The following CHRNA7 variants were observed in gnomAD, a reference collection of about 807,000 sequenced individuals.
CHRNA7 encodes the protein neuronal acetylcholine receptor subunit alpha-7.
Under a neutral mutation model 48.0 loss-of-function variants are expected in CHRNA7, and 17 were observed. The ratio of observed to expected loss-of-function variants is 0.35; its 90% CI spans 0.24 to 0.53. The LOEUF (loss-of-function observed/expected upper bound fraction) is 0.53. Ranked by LOEUF, CHRNA7 falls within the 20% of genes least tolerant of loss-of-function variation. The probability of loss-of-function intolerance (pLI) is 0.92; values close to 1 mark genes in which losing one functional copy is unlikely to be tolerated. For missense variants in CHRNA7, 155 were observed against 577.7 expected, an observed-to-expected ratio of 0.27 and a Z score of 7.50; for synonymous variants, 75 against 242.3, an observed-to-expected ratio of 0.31 and a Z score of 6.41.
At chr15:32,032,860 T>C (rs1466397886) in intron 2 of CHRNA7, among the ~76,000 whole-genome samples, 1 of 152,222 alleles carries the variant, frequency 6.6e-6, no homozygotes, top group Non-Finnish European at 1.5e-5. Flanking sequence ...AGCTGCAGGC[T>C]TTCTTCTGGG....
chr15:32,050,622 G>A (rs972204942), intron 2 of CHRNA7, among the ~76,000 whole-genome samples: 17 of 152,036 alleles, frequency 1.1e-4, no homozygotes, highest in African/African-American at 1.7e-4. Context: ...TAGTTTGGTC[G>A]TCTGAAGCCT....
rs553970388 is a variant in CHRNA7, at chr15:32,061,280, CAG to C, written c.195+30245_195+30246del. Among the ~76,000 whole-genome samples the C allele has an allele frequency of 9.2e-4, 140 of 152,194 alleles. 2 individuals are homozygous for C. The South Asian group carries it at 0.028, about 30-fold the overall frequency. On this transcript the variant is annotated intron_variant, in intron 2 of 9. Coordinates refer to ENST00000306901, the MANE Select transcript of CHRNA7 (RefSeq NM_000746.6). ...CTGGGAGGAAGCCAGGTAGTGGCAA[CAG>C]AAGAGGAGGAAGGAAAGTCATCCAG...
intron 4 of CHRNA7, among the ~76,000 whole-genome samples, chr15:32,117,132 G>A (rs2050886357): frequency 1.3e-5 from 2 of 152,190 alleles, no homozygotes; most frequent in Admixed American, 1.3e-4. Context: ...GAGGGGAGGG[G>A]GAGTGAGATA....
intron 4 of CHRNA7, among the ~76,000 whole-genome samples, chr15:32,135,466 A>AAG: frequency 6.6e-6 from 1 of 152,192 alleles, no homozygotes; most frequent in Admixed American, 6.5e-5. Flanking sequence ...GCAGGAAGTC[A>AAG]AGGCACTACC....
chr15:32,138,069 G>A (rs2051304689), intron 4 of CHRNA7, among the ~76,000 whole-genome samples: 1 of 151,734 alleles, frequency 6.6e-6, no homozygotes, highest in South Asian at 2.1e-4. Context: ...AAAAAAAGAA[G>A]GAGGAATAAA....
intron 4 of CHRNA7, among the ~76,000 whole-genome samples, chr15:32,142,881 A>G (rs2051410728): frequency 6.6e-6 from 1 of 151,974 alleles, no homozygotes; most frequent in Admixed American, 6.5e-5. Context: ...TCCTGGATTC[A>G]TTGATTTTTT....
intron 3 of CHRNA7, among the ~76,000 whole-genome samples, chr15:32,109,611 C>T (rs2050729028): frequency 6.6e-6 from 1 of 152,194 alleles, no homozygotes. Flanking sequence ...GAAGAACCAG[C>T]TCTGGTAGAA....
intron 3 of CHRNA7, among the ~76,000 whole-genome samples, chr15:32,106,394 A>G (rs1453931814): frequency 6.6e-6 from 1 of 152,242 alleles, no homozygotes; most frequent in Non-Finnish European, 1.5e-5. Context: ...AAAAAAAGAA[A>G]AAAACTCTCC....
At chr15:32,083,386 G>A (rs1225088723) in intron 2 of CHRNA7, among the ~76,000 whole-genome samples, 1 of 152,096 alleles carries the variant, frequency 6.6e-6, no homozygotes, top group Non-Finnish European at 1.5e-5. Context: ...CTTTGAAATT[G>A]GACTTCCCAG....
At chr15:32,131,492 G>T (rs899571578) in intron 4 of CHRNA7, among the ~76,000 whole-genome samples, 2 of 152,006 alleles carry the variant, frequency 1.3e-5, no homozygotes, top group Non-Finnish European at 2.9e-5. Flanking sequence ...GGTAATCCCA[G>T]TTACTGTATT....
At chr15:32,073,935 C>G (rs554921882) in intron 2 of CHRNA7, among the ~76,000 whole-genome samples, 2 of 152,168 alleles carry the variant, frequency 1.3e-5, no homozygotes, top group African/African-American at 4.8e-5. Context: ...TCCTTTTTAC[C>G]AATGCAAAAG....
chr15:32,104,601 G>C (rs571620441), intron 3 of CHRNA7, among the ~76,000 whole-genome samples: 1 of 152,054 alleles, frequency 6.6e-6, no homozygotes, highest in African/African-American at 2.4e-5. Flanking sequence ...AGGTGCATTC[G>C]GTCACTGCCG....
chr15:32,116,822 C>T (rs1349278838), intron 4 of CHRNA7, among the ~76,000 whole-genome samples: 1 of 152,198 alleles, frequency 6.6e-6, no homozygotes, highest in Non-Finnish European at 1.5e-5. Flanking sequence ...TTTGTTGGCT[C>T]TGAAAGTTTA....
chr15:32,049,406 T>G (rs1178486698), intron 2 of CHRNA7, among the ~76,000 whole-genome samples: 2 of 152,170 alleles, frequency 1.3e-5, no homozygotes, highest in Non-Finnish European at 2.9e-5. Context: ...TGTAATGGCC[T>G]TCTTTGTCTC....
chr15:32,046,691 A>G (rs1025941336), intron 2 of CHRNA7, among the ~76,000 whole-genome samples: 14 of 135,728 alleles, frequency 1.0e-4, no homozygotes, highest in Non-Finnish European at 1.5e-4. Flanking sequence ...CCATTTGTCA[A>G]TTTTGGCTTT....
intron 4 of CHRNA7, among the ~76,000 whole-genome samples, chr15:32,137,275 G>A (rs1268715065): frequency 1.3e-5 from 2 of 151,310 alleles, no homozygotes; most frequent in Non-Finnish European, 2.9e-5. Flanking sequence ...AAGGATGAAC[G>A]CAAAAAAGGA....
At chr15:32,112,763 G>C (rs1423556857) in intron 4 of CHRNA7, among the ~76,000 whole-genome samples, 1 of 152,174 alleles carries the variant, frequency 6.6e-6, no homozygotes, top group Non-Finnish European at 1.5e-5. Context: ...GATCCCGCTG[G>C]ACAAGCAATG....
At chr15:32,148,818 G>T (rs372674571) in intron 4 of CHRNA7, among the ~76,000 whole-genome samples, 10 of 152,180 alleles carry the variant, frequency 6.6e-5, no homozygotes, top group Non-Finnish European at 1.0e-4. Context: ...AGCCTCCTTC[G>T]TTCTGGCTTA....
At chr15:32,064,505 G>A (rs1595403737) in intron 2 of CHRNA7, among the ~76,000 whole-genome samples, 1 of 129,204 alleles carries the variant, frequency 7.7e-6, no homozygotes, top group African/African-American at 2.8e-5. Context: ...GTGTGTGTAT[G>A]TGTGTGTGTG....
Sources: gnomAD v4.1 joint callset for allele counts (sites outside exome capture counted in the v4.1 genomes callset) on GRCh38, gnomAD v4.1.1 for gene constraint, MANE v1.5 for transcripts, NCBI Gene and HGNC (gene_info 2026-07-23, HGNC 2026-07-21) for gene names.